GLE1: variants seen among roughly 807,000 people sequenced by gnomAD.
The protein encoded by GLE1 is GLE1 RNA export mediator.
In GLE1, 78 loss-of-function variants were observed where a neutral mutation model predicts 97.3. The ratio of observed to expected loss-of-function variants is 0.80; its 90% CI spans 0.67 to 0.97. The LOEUF is 0.97. Ranked by LOEUF, GLE1 falls within the 50% of genes least tolerant of loss-of-function variation. GLE1 has a pLI of 0.00. For synonymous variants in GLE1, 302 were observed against 313.4 expected (o/e 0.96, Z 0.39); for missense variants, 753 against 857.5 (o/e 0.88, Z 1.52).
At chr9:128,521,367 CTA>C (rs1847147481) in intron 3 of GLE1, among the ~76,000 whole-genome samples, 1 of 151,952 alleles carries the variant, frequency 6.6e-6, no homozygotes, top group Admixed American at 6.6e-5. Context: ...GACCCTGACT[CTA>C]TAAAAAATTT....
intron 6 of GLE1, 130 bp downstream of exon 6, chr9:128,523,976 A>G: frequency 2.5e-6 from 2 of 791,288 alleles, no homozygotes; most frequent in South Asian, 3.2e-5. Flanking sequence ...ATTACTTGTT[A>G]TCTCCATATC....
At chr9:128,518,874 A>G (rs144994872) in intron 3 of GLE1, among the ~76,000 whole-genome samples, 1,848 of 152,210 alleles carry the variant, frequency 0.012, 39 homozygotes, top group African/African-American at 0.042. Flanking sequence ...AAAAAAAAAA[A>G]AAAAGCTGGG....
intron 2 of GLE1, among the ~76,000 whole-genome samples, chr9:128,510,339 C>A (rs1341949935): frequency 6.6e-6 from 1 of 151,982 alleles, no homozygotes; most frequent in Non-Finnish European, 1.5e-5. Flanking sequence ...AGCGATTCTC[C>A]CACCTCAGCC....
chr9:128,515,902 G>A (rs995429036), intron 3 of GLE1, among the ~76,000 whole-genome samples: 1 of 151,704 alleles, frequency 6.6e-6, no homozygotes, highest in African/African-American at 2.4e-5. Flanking sequence ...ATTTGGAAAT[G>A]GTCTGGGATT....
chr9:128,540,406 T>C, intron 15 of GLE1, 68 bp downstream of exon 15: 2 of 957,764 alleles, frequency 2.1e-6, no homozygotes, highest in Non-Finnish European at 3.4e-6. Context: ...GTCTGACAAG[T>C]CTTGGACCTT....
rs1847848248 is a variant in GLE1, at chr9:128,540,297, G to A, written c.1987G>A (p.Gly663Arg). 6.2e-7 allele frequency: 1 copy of A among 1,609,650 alleles called. No individual in the cohort carries two copies. Residue 663 changes from glycine to arginine, a missense_variant, in exon 15 of 16, where the codon GGA becomes AGA. Gly to Arg is a moderately radical substitution (Grantham distance 125). Coordinates refer to ENST00000309971, the MANE Select transcript of GLE1 (RefSeq NM_001003722.2). ...FPRIEAITSSGQMGSFIRLKQ... is the reference protein window; with the variant it reads ...FPRIEAITSSRQMGSFIRLKQ... ...TAGAATTGAAGCTATCACAAGCTCAGGACAGATGGGCTCCTTCATACGCCT... is the reference window on the plus strand; with the variant it reads ...TAGAATTGAAGCTATCACAAGCTCAAGACAGATGGGCTCCTTCATACGCCT...
chr9:128,536,733 C>T lies in GLE1; in HGVS notation c.1776+249C>T, dbSNP rs546732362. ...AGAGGAGAGTCTGTTATAAATCAGT[C>T]ATTAAGGTTAGAAGATTTTCTTACA... is the stretch of plus-strand genomic sequence containing the variant. On this transcript the variant is annotated intron_variant, in intron 12 of 15. Coordinates refer to ENST00000309971, the MANE Select transcript of GLE1 (RefSeq NM_001003722.2). 8.2e-5 allele frequency: 35 copies of T among 424,544 alleles called. No homozygotes were observed. The East Asian group carries it at 1.7e-3, about 20-fold the overall frequency. 26.3% of individuals were successfully genotyped at this position (424,544 alleles called of 1,614,324 possible).
intron 3 of GLE1, among the ~76,000 whole-genome samples, chr9:128,522,047 A>T (rs57569274): frequency 6.6e-6 from 1 of 152,190 alleles, no homozygotes; most frequent in Admixed American, 6.5e-5. Flanking sequence ...AATTAGAATG[A>T]GGATTTCCGT....
chr9:128,516,927 G>A (rs1847006429), intron 3 of GLE1, among the ~76,000 whole-genome samples: 1 of 151,868 alleles, frequency 6.6e-6, no homozygotes. Context: ...CGCCCAGCAT[G>A]TATTTTTTTT....
At chr9:128,509,335 A>AT (rs527681085) in intron 2 of GLE1, among the ~76,000 whole-genome samples, 276 of 143,200 alleles carry the variant, frequency 1.9e-3, no homozygotes, top group African/African-American at 3.4e-3. Flanking sequence ...GAGCAATTGG[A>AT]TTTTTTTTTT....
intron 15 of GLE1, chr9:128,540,754 A>AT: frequency 1.1e-5 from 4 of 370,120 alleles, no homozygotes; most frequent in South Asian, 6.1e-5. Flanking sequence ...TAAAAGGTTA[A>AT]TTTTGACAAA....
chr9:128,527,483 A>C lies in GLE1; in HGVS notation c.1270A>C (p.Lys424Gln). 3.1e-6 allele frequency: 5 copies of C among 1,613,484 alleles called. No homozygotes were observed. The highest frequency in any genetic ancestry group is 4.2e-6 in the Non-Finnish European group (5 of 1,179,422). ...QAKKIKMDLQ[K>Q]AATIPVSQIS... ...CAAAAAGATAAAGATGGACCTCCAG[A>C]AGGCTGCTACCATCCCAGTGAGCCA... Residue 424 changes from lysine to glutamine, a missense_variant, in exon 9 of 16, where the codon AAG becomes CAG. Physicochemically the swap from Lys to Gln is moderately conservative, Grantham distance 53 (BLOSUM62 1). Coordinates refer to ENST00000309971, the MANE Select transcript of GLE1 (RefSeq NM_001003722.2).
chr9:128,505,837 C>G (rs574923040), intron 1 of GLE1, among the ~76,000 whole-genome samples: 8 of 152,286 alleles, frequency 5.3e-5, no homozygotes, highest in African/African-American at 1.9e-4. Flanking sequence ...TCCTCCATGG[C>G]TTTAGCATTC....
rs1463134674 is a variant in GLE1 at position 128,510,537 on chromosome 9, T to TC, written c.321+1440_321+1441insC. ...CCACCACACCCAGGCTTTTTTTTTT[T>TC]TTTTTTTTTAAGATGGAGTCTAGCT... is the stretch of plus-strand genomic sequence containing the variant. On this transcript the variant is annotated intron_variant, in intron 2 of 15. Coordinates refer to ENST00000309971, the MANE Select transcript of GLE1 (RefSeq NM_001003722.2). Among the ~76,000 whole-genome samples the TC allele has an allele frequency of 5.4e-5, 8 of 147,686 alleles. No homozygotes were observed. In the East Asian group the frequency reaches 1.6e-3, roughly 30 times the overall value.
intron 2 of GLE1, among the ~76,000 whole-genome samples, chr9:128,510,787 C>T (rs978660439): frequency 1.3e-5 from 2 of 151,204 alleles, no homozygotes; most frequent in Non-Finnish European, 2.9e-5. Context: ...CCTCGGCCTC[C>T]CAAAGTGCTG....
chr9:128,541,050 G>A, intron 15 of GLE1, 52 bp from the exon 16 acceptor site: 2 of 978,510 alleles, frequency 2.0e-6, no homozygotes, highest in Non-Finnish European at 1.7e-6. Flanking sequence ...TTAAGTGTTG[G>A]GAACACTGTT....
rs571021417 is a variant in GLE1 at position 128,521,132 on chromosome 9, A to G, written c.433-1536A>G. Among the ~76,000 whole-genome samples, 14 of 152,234 alleles carry G rather than the reference A, an allele frequency of 9.2e-5. No individual in the cohort carries two copies. The East Asian group carries it at 1.2e-3, about 13-fold the overall frequency. ...CTGCTGGTGACATCTCTCATGCTCTATGTGGTGTTATGTCTTTTTTTTCTT... is the reference window on the plus strand; with the variant it reads ...CTGCTGGTGACATCTCTCATGCTCTGTGTGGTGTTATGTCTTTTTTTTCTT... On this transcript the variant is annotated intron_variant, in intron 3 of 15. Transcript: ENST00000309971.
At position 128,536,440 on chromosome 9, in the gene GLE1, G is replaced by C; in HGVS notation, c.1732G>C (p.Ala578Pro). Residue 578 changes from alanine (A) to proline (P), a missense_variant, in exon 12 of 16, where the codon GCT becomes CCT. By Grantham distance (27) the Ala-to-Pro change is conservative. Coordinates refer to ENST00000309971, the MANE Select transcript of GLE1 (RefSeq NM_001003722.2). Reference sequence around the variant, plus strand: ...CATGTCAGGGATGATCCGTCTCTACGCTGCTATCATCCAGCTCCGGTGGCC... The same window carrying C: ...CATGTCAGGGATGATCCGTCTCTACCCTGCTATCATCCAGCTCCGGTGGCC... The part of the protein sequence containing the change: ...KRMSGMIRLY[A>P]AIIQLRWPYG... The C allele has an allele frequency of 6.2e-7, 1 of 1,613,928 alleles. No homozygotes were observed. Among genetic ancestry groups the C allele is most frequent in the Non-Finnish European group, 8.5e-7 (1 of 1,179,848 alleles).
At chr9:128,534,428 A>T (rs1328861390) in intron 11 of GLE1, among the ~76,000 whole-genome samples, 1 of 152,060 alleles carries the variant, frequency 6.6e-6, no homozygotes, top group African/African-American at 2.4e-5. Context: ...AGCCTTTGGG[A>T]TTTGTGAACT....
Sources: gnomAD v4.1 joint callset for allele counts (sites outside exome capture counted in the v4.1 genomes callset) on GRCh38, gnomAD v4.1.1 for gene constraint, MANE v1.5 for transcripts, NCBI Gene and HGNC (gene_info 2026-07-23, HGNC 2026-07-21) for gene names.